CLEC4M: variants seen among roughly 807,000 people sequenced by gnomAD.
CLEC4M encodes the protein C-type lectin domain family 4 member M.
A neutral mutation model predicts 39.1 loss-of-function variants in CLEC4M; 25 were observed. The observed-to-expected ratio is 0.64, with a 90% CI of 0.47 to 0.89. The LOEUF is 0.89. CLEC4M is among the 40% of genes least tolerant of loss of function. CLEC4M has a pLI of 0.00. For synonymous variants in CLEC4M, 155 were observed against 177.4 expected (o/e 0.87, Z 1.00); for missense variants, 353 against 431.4 (o/e 0.82, Z 1.61).
In CLEC4M at chr19:7,765,193, G is replaced by A. The variant is rs570966645; in HGVS notation, c.139G>A (p.Gly47Ser). The A allele has an allele frequency of 6.2e-7, 1 of 1,614,166 alleles. No homozygotes were observed. The highest frequency in any genetic ancestry group is 1.7e-5 in the Admixed American group (1 of 60,018). The change falls in exon 3 of 7, where the codon GGC becomes AGC. Residue 47 changes from glycine to serine, a missense_variant. Around this residue, in one of 4 missense-constraint regions of CLEC4M, gnomAD observed 91 missense variants for 77.8 expected, o/e 1.17. Coordinates refer to ENST00000327325, the MANE Select transcript of CLEC4M (RefSeq NM_014257.5). ...HGHKSSTGCL[G>S]HGALVLQLLS... ...CATGTATCCTCTCTCAGGGTGTCTTGGCCATGGCGCCCTGGTGCTGCAACT... is the reference window on the plus strand; with the variant it reads ...CATGTATCCTCTCTCAGGGTGTCTTAGCCATGGCGCCCTGGTGCTGCAACT...
At position 7,766,801 on chromosome 19, in the gene CLEC4M, G is replaced by A; in HGVS notation, c.930G>A (p.Glu310=). The part of the protein sequence containing the change: ...RAQLVVIKTA[E]EQNFLQLQTS... ...AGCTCGTCGTAATCAAAACTGCTGA[G>A]GAGCAGGTACACGTGGTGGGGGTCC... Residue 310 remains glutamate, a synonymous_variant, in exon 5 of 7, where the codon GAG becomes GAA. Coordinates refer to ENST00000327325, the MANE Select transcript of CLEC4M (RefSeq NM_014257.5). 6.2e-7 allele frequency: 1 copy of A among 1,614,262 alleles called. No homozygotes were observed. The highest frequency in any genetic ancestry group is 8.5e-7 in the Non-Finnish European group (1 of 1,180,050).
rs757485066 is a variant in CLEC4M at position 7,765,625 on chromosome 19, C to T, written c.215-13C>T. 6.2e-7 allele frequency: 1 copy of T among 1,613,842 alleles called. No homozygotes were observed. Among genetic ancestry groups the T allele is most frequent in the Non-Finnish European group, 8.5e-7 (1 of 1,179,832 alleles). ...GTGTTTAATAATTGCAGTTCCTTTT[C>T]TTCTTGGCCCAGTGTCCAAGGTCCC... On this transcript the variant is annotated splice_polypyrimidine_tract_variant and intron_variant, in intron 3 of 6. Coordinates refer to ENST00000327325, the MANE Select transcript of CLEC4M (RefSeq NM_014257.5).
Position 7,765,268 on chromosome 19 carries a change from G to C in CLEC4M, c.214G>C (p.Val72Leu), listed in dbSNP as rs752150138. Residue 72 changes from valine to leucine, a missense_variant and splice_region_variant, in exon 3 of 7, where the codon GTG (valine) becomes CTG (leucine). Val to Leu is a conservative substitution (Grantham distance 32). Around this residue, in one of 4 missense-constraint regions of CLEC4M, gnomAD observed 48 missense variants for 64.8 expected, o/e 0.74. Coordinates refer to ENST00000327325, the MANE Select transcript of CLEC4M (RefSeq NM_014257.5). ...GGTCCTGGTGGCCATCCTTGTCCAA[G>C]GTCAGGGGCAGGTTCTGAGGGTCTG... ...AGVLVAILVQ[V>L]SKVPSSLSQE... is the part of the protein sequence containing the mutation. 13 of 1,614,026 alleles carry C rather than the reference G, an allele frequency of 8.1e-6. No homozygotes were observed. Among genetic ancestry groups the C allele is most frequent in the African/African-American group, 2.7e-5 (2 of 74,912 alleles).
chr19:7,764,946 G>T (rs892261712), intron 2 of CLEC4M, among the ~76,000 whole-genome samples: 1 of 152,062 alleles, frequency 6.6e-6, no homozygotes, highest in Non-Finnish European at 1.5e-5. Context: ...TGGGTTCCTG[G>T]GACCTGGGGA....
At chr19:7,766,346 CT>C in intron 4 of CLEC4M, 139 bp downstream of exon 4, 1 of 1,490,830 alleles carries the variant, frequency 6.7e-7, no homozygotes, top group Non-Finnish European at 8.9e-7. Context: ...GATCATTGCA[CT>C]TGGTGTTCAC....
chr19:7,767,139 A>T (rs1747960599), intron 5 of CLEC4M: 6 of 448,068 alleles, frequency 1.3e-5, no homozygotes, highest in Non-Finnish European at 2.5e-5. Flanking sequence ...GCTGATTTCA[A>T]GCTGTGATGT....
At position 7,769,144 on chromosome 19, in the gene CLEC4M, G is replaced by A; in HGVS notation, c.*156G>A. 3 of 692,364 alleles carry A rather than the reference G, an allele frequency of 4.3e-6. No homozygotes were observed. Among genetic ancestry groups the A allele is most frequent in the Non-Finnish European group, 7.0e-6 (3 of 427,846 alleles). 42.9% of individuals were successfully genotyped at this position (692,364 alleles called of 1,614,324 possible). A position where few individuals can be genotyped will look rare whatever the true frequency, so the allele number is the denominator to read the frequency against. Reference sequence around the variant, plus strand: ...CCCCTATGAACCTGGGTCTTATTCTGTCCTTCTGATGCCTCCAAGTTTCCC... The same window carrying A: ...CCCCTATGAACCTGGGTCTTATTCTATCCTTCTGATGCCTCCAAGTTTCCC... On this transcript the variant is annotated 3_prime_UTR_variant, in exon 7 of 7. Coordinates refer to ENST00000327325, the MANE Select transcript of CLEC4M (RefSeq NM_014257.5).
intron 3 of CLEC4M, 43 bp from the exon 4 acceptor site, chr19:7,765,595 A>C: frequency 6.2e-7 from 1 of 1,612,602 alleles, no homozygotes; most frequent in Non-Finnish European, 8.5e-7. Flanking sequence ...CTTGGCACAC[A>C]GTAGGTGTTT....
chr19:7,767,701 G>T, intron 6 of CLEC4M, 73 bp downstream of exon 6: 1 of 1,375,100 alleles, frequency 7.3e-7, no homozygotes, highest in South Asian at 1.2e-5. Flanking sequence ...AGCTTTCCCT[G>T]GGGGTCCCCC....
intron 3 of CLEC4M, 39 bp downstream of exon 3, chr19:7,765,307 T>C: frequency 6.2e-7 from 1 of 1,604,838 alleles, no homozygotes; most frequent in Middle Eastern, 1.7e-4. Context: ...TCCCCAGGCC[T>C]GGCCTTTTGG....
chr19:7,766,944 G>T, intron 5 of CLEC4M, 137 bp downstream of exon 5: 1 of 1,447,926 alleles, frequency 6.9e-7, no homozygotes. Flanking sequence ...TATGAATGAA[G>T]GGGTCCCAGG....
intron 4 of CLEC4M, 96 bp downstream of exon 4, chr19:7,766,303 C>T: frequency 1.3e-6 from 2 of 1,560,852 alleles, no homozygotes; most frequent in Admixed American, 1.9e-5. Flanking sequence ...CCTCAGTTTC[C>T]TCCCCTGTGA....
chr19:7,764,540 A>G (rs582173), intron 2 of CLEC4M, among the ~76,000 whole-genome samples: 136,079 of 152,112 alleles, frequency 0.89, 61,427 homozygotes, highest in African/African-American at 0.97. Flanking sequence ...CCAGGCTGGA[A>G]TGCAGTGGCG....
intron 2 of CLEC4M, among the ~76,000 whole-genome samples, chr19:7,764,794 A>C (rs12986314): frequency 0.64 from 97,741 of 152,108 alleles, 32,195 homozygotes; most frequent in Admixed American, 0.71. Context: ...CCTGGCCAAA[A>C]AGGCAGTTAA....
chr19:7,763,465 A>G lies in CLEC4M; in HGVS notation c.119A>G (p.Lys40Arg). ...DFQFQQIHGH[K>R]SSTGCLGHGA... ...CAATTCCAGCAGATACATGGCCACA[A>G]GAGCTCTACAGGTAGGCAAGAGTTA... The change falls in exon 2 of 7, where the codon AAG becomes AGG. Residue 40 changes from lysine to arginine, a missense_variant. Coordinates refer to ENST00000327325, the MANE Select transcript of CLEC4M (RefSeq NM_014257.5). 2 of 1,614,024 alleles carry G rather than the reference A, an allele frequency of 1.2e-6. No individual in the cohort carries two copies. Among genetic ancestry groups the G allele is most frequent in the Non-Finnish European group, 1.7e-6 (2 of 1,179,942 alleles).
At chr19:7,767,485 G>C in intron 5 of CLEC4M, 31 bp from the exon 6 acceptor site, 1 of 1,544,434 alleles carries the variant, frequency 6.5e-7, no homozygotes, top group Non-Finnish European at 8.9e-7. Flanking sequence ...GGGAAGCAGA[G>C]CTCCCTCCTG....
chr19:7,763,351 G>A (rs1400689459), intron 1 of CLEC4M, 39 bp downstream of exon 1: 1 of 1,612,588 alleles, frequency 6.2e-7, no homozygotes, highest in South Asian at 1.1e-5. Context: ...TGGGTAAGGG[G>A]AAGGGATGGC....
chr19:7,766,450 G>A (rs901280715), intron 4 of CLEC4M: 2 of 1,451,322 alleles, frequency 1.4e-6, no homozygotes, highest in Non-Finnish European at 1.8e-6. Context: ...GTCTGGAAGA[G>A]ATGGAGCCAG....
chr19:7,764,321 A>G (rs562830286), intron 2 of CLEC4M, among the ~76,000 whole-genome samples: 4 of 152,226 alleles, frequency 2.6e-5, no homozygotes, highest in Non-Finnish European at 4.4e-5. Flanking sequence ...AAGGAAAAAC[A>G]TGTTTTACAA....
Sources: gnomAD v4.1 joint callset for allele counts (sites outside exome capture counted in the v4.1 genomes callset) on GRCh38, gnomAD v4.1.1 for gene constraint, gnomAD v4.1.1 regional missense constraint, MANE v1.5 for transcripts, NCBI Gene and HGNC (gene_info 2026-07-23, HGNC 2026-07-21) for gene names.